DGKH: variants seen among roughly 807,000 people sequenced by gnomAD.
DGKH encodes the protein diacylglycerol kinase eta, also known as DAG kinase eta.
DGKH carries 90 observed loss-of-function variants against 159.3 expected under a neutral mutation model. The observed-to-expected ratio is 0.57, with a 90% CI of 0.48 to 0.67. The LOEUF is 0.67. Among genes scored for constraint, DGKH ranks in the 30% least tolerant of loss-of-function variants. The pLI is 0.00. For synonymous variants in DGKH, 536 were observed against 553.8 expected (o/e 0.97, Z 0.45); for missense variants, 1,181 against 1,506.1 (o/e 0.78, Z 3.57).
chr13:42,186,941 C>T, intron 13 of DGKH, 108 bp from the exon 14 acceptor site: 1 of 911,248 alleles, frequency 1.1e-6, no homozygotes, highest in Non-Finnish European at 1.7e-6. Context: ...ACAGATGACC[C>T]AGATATTTGA....
chr13:42,102,189 G>T (rs991572629), intron 1 of DGKH, among the ~76,000 whole-genome samples: 2 of 152,238 alleles, frequency 1.3e-5, no homozygotes, highest in South Asian at 4.1e-4. Context: ...CTTGCTCTGT[G>T]TCCTCTGGAG....
rs1182154957 is a variant in DGKH at position 42,241,894 on chromosome 13, C to T, written c.*12706C>T. The T allele has an allele frequency of 6.6e-6, 1 of 152,106 alleles. No individual in the cohort carries two copies. Among genetic ancestry groups the T allele is most frequent in the Non-Finnish European group, 1.5e-5 (1 of 68,014 alleles). The allele number at this position is 152,106 out of a possible 1,614,324, so 9.4% of individuals were successfully genotyped here. A position where few individuals can be genotyped will look rare whatever the true frequency, so the allele number is the denominator to read the frequency against. On this transcript the variant is annotated 3_prime_UTR_variant, in exon 30 of 30. Coordinates refer to ENST00000337343, the MANE Select transcript of DGKH (RefSeq NM_178009.5). ...TTATGGATGGTTAGGCAATAGGGTT[C>T]CTTCATGAGAAGGAAAAAACTGTAT...
At chr13:42,189,335 G>A (rs759616419) in intron 15 of DGKH, 26 bp downstream of exon 15, 4 of 1,611,122 alleles carry the variant, frequency 2.5e-6, no homozygotes, top group Non-Finnish European at 3.4e-6. Context: ...TTTAGCTTTG[G>A]AAGAAGTTGG....
At chr13:42,144,930 G>A (rs1049380401) in intron 3 of DGKH, among the ~76,000 whole-genome samples, 3 of 152,208 alleles carry the variant, frequency 2.0e-5, no homozygotes, top group African/African-American at 7.2e-5. Flanking sequence ...ACCTTCAAGT[G>A]AGAAGAAAGC....
chr13:42,184,052 T>C (rs528801759), intron 13 of DGKH, among the ~76,000 whole-genome samples: 8 of 152,332 alleles, frequency 5.3e-5, no homozygotes, highest in East Asian at 1.9e-4. Flanking sequence ...GAATCTACTT[T>C]AGGGATAATT....
At chr13:42,211,160 A>G (rs1367219703) in intron 24 of DGKH, among the ~76,000 whole-genome samples, 1 of 152,210 alleles carries the variant, frequency 6.6e-6, no homozygotes, top group Non-Finnish European at 1.5e-5. Flanking sequence ...AAGCAAGCCT[A>G]TGAGTGTTAA....
intron 30 of DGKH, among the ~76,000 whole-genome samples, chr13:42,253,879 T>A (rs1048044696): frequency 6.6e-6 from 1 of 152,126 alleles, no homozygotes; most frequent in Non-Finnish European, 1.5e-5. Context: ...CTCCTCTGAA[T>A]TTTCTAAATA....
At position 42,141,029 on chromosome 13, in the gene DGKH, C is replaced by CATTAACTCGTCAT. The variant is rs1555264853; in HGVS notation, c.384+11397_384+11398insATTAACTCGTCAT. 8.2e-4 allele frequency among the ~76,000 whole-genome samples: 43 copies of CATTAACTCGTCAT among 52,134 alleles called. 7 individuals are homozygous for CATTAACTCGTCAT. The highest frequency in any genetic ancestry group is 2.7e-3 in the East Asian group (6 of 2,240). The allele number at this position is 52,134 out of a possible 152,430, so 34.2% of individuals were successfully genotyped here. On this transcript the variant is annotated intron_variant, in intron 3 of 29. Transcript: ENST00000337343. Reference sequence around the variant, plus strand: ...ATGTGCCATGTTGGTGTGCTGAACCCTCCTAATGCTATCCCTCCCCCCTCC... The same window carrying CATTAACTCGTCAT: ...ATGTGCCATGTTGGTGTGCTGAACCCATTAACTCGTCATTCCTAATGCTATCCCTCCCCCCTCC...
chr13:42,144,426 C>T (rs1040809249), intron 3 of DGKH, among the ~76,000 whole-genome samples: 1 of 152,060 alleles, frequency 6.6e-6, no homozygotes, highest in African/African-American at 2.4e-5. Flanking sequence ...GTGGCTCACG[C>T]CTGTAATCCT....
chr13:42,125,548 T>C (rs1955153553), intron 1 of DGKH, among the ~76,000 whole-genome samples: 1 of 152,232 alleles, frequency 6.6e-6, no homozygotes, highest in Non-Finnish European at 1.5e-5. Flanking sequence ...GAAATCTGTC[T>C]GTCTGACTCT....
chr13:42,107,182 C>T (rs944751165), intron 1 of DGKH, among the ~76,000 whole-genome samples: 6 of 152,186 alleles, frequency 3.9e-5, no homozygotes, highest in South Asian at 2.1e-4. Context: ...TTTGGAGGAG[C>T]GGTTATTTAA....
rs71685202 is a variant in DGKH at position 42,105,997 on chromosome 13, GT to G, written c.193-21453del. Among the ~76,000 whole-genome samples the G allele has an allele frequency of 8.6e-4, 124 of 144,924 alleles. 1 individual carries two copies. Among genetic ancestry groups the G allele is most frequent in the African/African-American group, 1.8e-3 (73 of 39,578 alleles). On this transcript the variant is annotated intron_variant, in intron 1 of 29. Coordinates refer to ENST00000337343, the MANE Select transcript of DGKH (RefSeq NM_178009.5). ...TTTACCTTGGAACTTAAGGAATGTG[GT>G]TTTTTTTTTTTTAATTTTTTTTATT... is the stretch of plus-strand genomic sequence containing the variant.
chr13:42,069,818 G>T, intron 1 of DGKH: 1 of 982,282 alleles, frequency 1.0e-6, no homozygotes, highest in South Asian at 1.7e-5. Flanking sequence ...TCTGGGTACT[G>T]CCAACAAGGC....
Position 42,250,448 on chromosome 13 carries a change from TAGAAA to T in DGKH, n.4055-1957_4055-1953del, listed in dbSNP as rs1958613296. Among the ~76,000 whole-genome samples, 4 of 152,272 alleles carry T rather than the reference TAGAAA, an allele frequency of 2.6e-5. No individual in the cohort carries two copies. In the South Asian group the frequency reaches 8.3e-4, roughly 32 times the overall value. Reference sequence around the variant, plus strand: ...TGATGGTAATAACTTTCAAGATAACTAGAAAAGAGGATCTTGAATGCTATCACCAG... The same window carrying T: ...TGATGGTAATAACTTTCAAGATAACTAGAGGATCTTGAATGCTATCACCAG... On this transcript the variant is annotated intron_variant and non_coding_transcript_variant, in intron 29 of 30. Coordinates refer to the DGKH transcript ENST00000498255.
Position 42,189,022 on chromosome 13 carries a change from T to C in DGKH, c.1639-14T>C, listed in dbSNP as rs2138105978. The C allele has an allele frequency of 6.2e-7, 1 of 1,603,570 alleles. No homozygotes were observed. The highest frequency in any genetic ancestry group is 1.3e-5 in the African/African-American group (1 of 74,662). ...TTTTTGAGTATTTTTCTCATTGCCA[T>C]ATTTTCCTCTCAGTGTTCAGTCCTA... On this transcript the variant is annotated splice_polypyrimidine_tract_variant and intron_variant, in intron 14 of 29. Coordinates refer to ENST00000337343, the MANE Select transcript of DGKH (RefSeq NM_178009.5).
intron 29 of DGKH, among the ~76,000 whole-genome samples, chr13:42,227,994 AT>A (rs1233316185): frequency 6.6e-6 from 1 of 152,172 alleles, no homozygotes; most frequent in Admixed American, 6.5e-5. Flanking sequence ...ATTTTCAAAT[AT>A]TTCAATTTTT....
At chr13:42,143,059 G>C (rs1955612552) in intron 3 of DGKH, among the ~76,000 whole-genome samples, 1 of 152,086 alleles carries the variant, frequency 6.6e-6, no homozygotes, top group Non-Finnish European at 1.5e-5. Flanking sequence ...TTATTACTTT[G>C]AGATACATCC....
chr13:42,118,363 G>A (rs1201164642), intron 1 of DGKH, among the ~76,000 whole-genome samples: 1 of 152,122 alleles, frequency 6.6e-6, no homozygotes, highest in African/African-American at 2.4e-5. Context: ...GTATACTGTT[G>A]GTAAAAGTTG....
chr13:42,216,635 C>T (rs539329735), intron 26 of DGKH: 1 of 152,302 alleles, frequency 6.6e-6, no homozygotes, highest in South Asian at 2.1e-4. Flanking sequence ...ATCCTTTGCT[C>T]TGAGAAGAGA....
Sources: allele counts gnomAD v4.1 joint callset (sites outside exome capture counted in the v4.1 genomes callset), GRCh38; gene constraint gnomAD v4.1.1; transcripts MANE v1.5; gene names NCBI Gene and HGNC (gene_info 2026-07-23, HGNC 2026-07-21).